The following ZNF568 variants were observed in gnomAD, a reference collection of about 807,000 sequenced individuals.
ZNF568 encodes the protein zinc finger protein 568.
A neutral mutation model predicts 18.1 loss-of-function variants in ZNF568; 11 were observed. The ratio of observed to expected loss-of-function variants is 0.61; its 90% CI spans 0.38 to 1.00. ZNF568 has a LOEUF of 1.00. Among genes scored for constraint, ZNF568 ranks in the 50% least tolerant of loss-of-function variants. The probability of loss-of-function intolerance (pLI) is 0.01; values close to 1 mark genes in which losing one functional copy is unlikely to be tolerated. For synonymous variants in ZNF568, 213 were observed against 246.6 expected, an observed-to-expected ratio of 0.86 and a Z score of 1.28; for missense variants, 639 against 768.2, an observed-to-expected ratio of 0.83 and a Z score of 1.99.
At chr19:36,996,560 G>C (rs376459245) in exon 5 of ZNF568, 12 of 1,536,128 alleles carry the variant, frequency 7.8e-6, no homozygotes, top group African/African-American at 6.8e-5. Context: ...TGCAGGAAAT[G>C]TAAGAATGCT....
chr19:36,985,081 ATCT>A (rs1390884462), intron 2 of ZNF568, among the ~76,000 whole-genome samples: 1 of 152,064 alleles, frequency 6.6e-6, no homozygotes, highest in Non-Finnish European at 1.5e-5. Context: ...ATCTCACATT[ATCT>A]TCTTAATCTC....
At position 36,937,144 on chromosome 19, in the gene ZNF568, T is replaced by C; in HGVS notation, c.263-3T>C. On this transcript the variant is annotated splice_polypyrimidine_tract_variant and splice_region_variant and intron_variant, in intron 5 of 6. Coordinates refer to ENST00000333987, the MANE Select transcript of ZNF568 (RefSeq NM_198539.4). The stretch of plus-strand genomic sequence containing the variant: ...CCACATCCTTTGCTATTTCTTGTAA[T>C]AGGCTGTCAAGTCACCAAACCGGAT... The C allele has an allele frequency of 6.2e-7, 1 of 1,613,406 alleles. No individual in the cohort carries two copies. Among genetic ancestry groups the C allele is most frequent in the Non-Finnish European group, 8.5e-7 (1 of 1,179,578 alleles).
Position 36,950,815 on chromosome 19 carries a change from A to G in ZNF568, c.1662A>G (p.Gly554=). 6.2e-7 allele frequency: 1 copy of G among 1,613,626 alleles called. No homozygotes were observed. The highest frequency in any genetic ancestry group is 1.1e-5 in the South Asian group (1 of 91,056). ...NLLEHEKIHT[G]EKPFKCNECG... is the part of the protein sequence containing the mutation. ...TTGAGCATGAAAAAATTCATACTGG[A>G]GAGAAACCATTCAAATGTAATGAAT... Residue 554 remains glycine, a synonymous_variant, in exon 7 of 7, where the codon GGA becomes GGG. Transcript: ENST00000333987.
chr19:36,918,463 T>C (rs1267536271), intron 2 of ZNF568, among the ~76,000 whole-genome samples: 1 of 152,108 alleles, frequency 6.6e-6, no homozygotes, highest in African/African-American at 2.4e-5. Flanking sequence ...TACACGTTAT[T>C]GTTTAGGGAA....
intron 6 of ZNF568, chr19:36,973,415 G>C (rs1000391817): frequency 6.5e-6 from 1 of 153,524 alleles, no homozygotes; most frequent in Non-Finnish European, 1.5e-5. Context: ...GGGGAGGTCA[G>C]GGCTGTGCGA....
intron 2 of ZNF568, among the ~76,000 whole-genome samples, chr19:36,920,957 T>G (rs2073443423): frequency 6.8e-6 from 1 of 147,830 alleles, no homozygotes; most frequent in Admixed American, 6.7e-5. Context: ...TTGTCTACAG[T>G]ATTCAGTACA....
chr19:36,949,912 A>C lies in ZNF568; in HGVS notation c.759A>C (p.Lys253Asn). The C allele has an allele frequency of 6.2e-7, 1 of 1,613,744 alleles. No homozygotes were observed. The highest frequency in any genetic ancestry group is 1.3e-5 in the African/African-American group (1 of 74,994). Residue 253 changes from lysine to asparagine, a missense_variant, in exon 7 of 7, where the codon AAA becomes AAC. Lys to Asn is a moderately conservative substitution (Grantham distance 94). Transcript: ENST00000333987. ...IHAGEKPYECKECGKAFSRKE... is the reference protein window; with the variant it reads ...IHAGEKPYECNECGKAFSRKE... Reference sequence around the variant, plus strand: ...CTGGAGAGAAACCTTACGAATGTAAAGAATGTGGAAAAGCCTTCAGTAGGA... The same window carrying C: ...CTGGAGAGAAACCTTACGAATGTAACGAATGTGGAAAAGCCTTCAGTAGGA...
chr19:36,922,192 C>T (rs562142579), intron 2 of ZNF568, among the ~76,000 whole-genome samples: 2 of 152,106 alleles, frequency 1.3e-5, no homozygotes, highest in Non-Finnish European at 2.9e-5. Flanking sequence ...AGTTGTCAGC[C>T]GGGCTGCAGT....
Position 36,990,530 on chromosome 19 carries a change from G to A in ZNF568, c.10-646G>A, listed in dbSNP as rs147623608. ...CTCAGGAGGGTGAGGCAGGAGAATC[G>A]CTTGAACCTGGGAGACAGAGGTAGC... On this transcript the variant is annotated intron_variant, in intron 2 of 4. Transcript: ENST00000433993. Among the ~76,000 whole-genome samples the A allele has an allele frequency of 5.9e-5, 9 of 152,294 alleles. No individual in the cohort carries two copies. The East Asian group carries it at 1.2e-3, about 20-fold the overall frequency.
At position 36,936,861 on chromosome 19, in the gene ZNF568, T is replaced by C; in HGVS notation, c.251T>C (p.Leu84Pro). ...RDVMLENYSN[L>P]VTVGCQVTKP... is the part of the protein sequence containing the mutation. ...GTGATGCTGGAGAACTACAGCAACC[T>C]AGTCACAGTGGGTAAGGTGGCTTGG... The change falls in exon 5 of 7, where the codon CTA (leucine) becomes CCA (proline). Residue 84 changes from leucine to proline, a missense_variant. Coordinates refer to ENST00000333987, the MANE Select transcript of ZNF568 (RefSeq NM_198539.4). 5 of 1,613,812 alleles carry C rather than the reference T, an allele frequency of 3.1e-6. No homozygotes were observed. The highest frequency in any genetic ancestry group is 4.2e-6 in the Non-Finnish European group (5 of 1,179,768).
intron 4 of ZNF568, among the ~76,000 whole-genome samples, chr19:36,992,094 T>C (rs900921853): frequency 6.7e-6 from 1 of 149,076 alleles, no homozygotes; most frequent in Non-Finnish European, 1.5e-5. Flanking sequence ...TACAAAAAAA[T>C]TAGCCAGGCC....
At chr19:36,986,599 C>A (rs2146345289) in intron 2 of ZNF568, among the ~76,000 whole-genome samples, 1 of 152,268 alleles carries the variant, frequency 6.6e-6, no homozygotes, top group Non-Finnish European at 1.5e-5. Flanking sequence ...CCCACAGAGC[C>A]TGGTGTCCTA....
chr19:36,983,801 G>C (rs1716822793), downstream of ZNF568, among the ~76,000 whole-genome samples: 1 of 150,556 alleles, frequency 6.6e-6, no homozygotes, highest in African/African-American at 2.4e-5. Flanking sequence ...TTTTCTAACT[G>C]TCATCTTTCT....
At chr19:36,974,658 CT>C (rs2074265750) in intron 7 of ZNF568, among the ~76,000 whole-genome samples, 1 of 152,102 alleles carries the variant, frequency 6.6e-6, no homozygotes, top group African/African-American at 2.4e-5. Flanking sequence ...CTCATCTGAT[CT>C]AGAATTTCCA....
At chr19:36,975,676 CAA>C (rs2074278224) in intron 7 of ZNF568, among the ~76,000 whole-genome samples, 1 of 78,244 alleles carries the variant, frequency 1.3e-5, no homozygotes, top group Non-Finnish European at 2.5e-5. Flanking sequence ...GCCACCGCGC[CAA>C]GACTTTTTTT....
chr19:36,969,208 G>T (rs1644637), intron 6 of ZNF568, among the ~76,000 whole-genome samples: 90,334 of 151,822 alleles, frequency 0.59, 28,191 homozygotes, highest in African/African-American at 0.78. Flanking sequence ...TTTGAAACTT[G>T]CCAAAATAAA....
intron 2 of ZNF568, among the ~76,000 whole-genome samples, chr19:36,919,174 A>G (rs1243547085): frequency 6.6e-6 from 1 of 152,108 alleles, no homozygotes; most frequent in Non-Finnish European, 1.5e-5. Flanking sequence ...TTTGATTGTC[A>G]TAGTGTTTTC....
intron 6 of ZNF568, among the ~76,000 whole-genome samples, chr19:36,958,616 CTTTTTTTTTTTT>C: frequency 1.0e-5 from 1 of 99,086 alleles, no homozygotes; most frequent in East Asian, 2.9e-4. Flanking sequence ...CTTTTTCTTT[CTTTTTTTTTTTT>C]TTTTTTTTTT....
intron 6 of ZNF568, 134 bp from the exon 7 acceptor site, chr19:36,949,378 C>G: frequency 1.0e-6 from 1 of 957,100 alleles, no homozygotes; most frequent in Non-Finnish European, 1.5e-6. Flanking sequence ...AACATTTACT[C>G]TTAGCTTTCT....
Sources: gnomAD v4.1 joint callset for allele counts (sites outside exome capture counted in the v4.1 genomes callset) on GRCh38, gnomAD v4.1.1 for gene constraint, MANE v1.5 for transcripts, NCBI Gene and HGNC (gene_info 2026-07-23, HGNC 2026-07-21) for gene names.